The following GAS7 variants were observed in gnomAD, a reference collection of about 807,000 sequenced individuals.
The protein encoded by GAS7 is growth arrest-specific protein 7.
Under a neutral mutation model 71.1 loss-of-function variants are expected in GAS7, and 28 were observed. That is an observed-to-expected ratio of 0.39 (90% CI 0.29 to 0.54). The LOEUF is 0.54. GAS7 is among the 20% of genes least tolerant of loss of function. The probability of loss-of-function intolerance (pLI) is 0.62; values close to 1 mark genes in which losing one functional copy is unlikely to be tolerated. For synonymous variants in GAS7, 258 were observed against 245.8 expected (o/e 1.05, Z -0.46); for missense variants, 436 against 627.8 (o/e 0.69, Z 3.27).
intron 3 of GAS7, among the ~76,000 whole-genome samples, chr17:9,979,194 C>T (rs1360941923): frequency 6.6e-6 from 1 of 152,226 alleles, no homozygotes; most frequent in Non-Finnish European, 1.5e-5. Flanking sequence ...CTTCAGAATG[C>T]TAATGTGCCT....
chr17:9,945,489 C>T (rs1001487427), intron 6 of GAS7, among the ~76,000 whole-genome samples: 1 of 152,088 alleles, frequency 6.6e-6, no homozygotes, highest in African/African-American at 2.4e-5. Context: ...AGATAAGCCC[C>T]TTTATACTGT....
chr17:10,012,748 G>A (rs376987094), intron 2 of GAS7, among the ~76,000 whole-genome samples: 3 of 152,108 alleles, frequency 2.0e-5, no homozygotes, highest in Non-Finnish European at 1.5e-5. Context: ...ATGAAGCGGC[G>A]GCACTTTTAG....
At chr17:10,079,556 G>C (rs1485709066) in intron 1 of GAS7, among the ~76,000 whole-genome samples, 1 of 152,178 alleles carries the variant, frequency 6.6e-6, no homozygotes, top group Non-Finnish European at 1.5e-5. Context: ...CTATTGATAA[G>C]TCTTTCAATC....
At chr17:10,018,891 T>C (rs936501180) in intron 2 of GAS7, among the ~76,000 whole-genome samples, 1 of 152,202 alleles carries the variant, frequency 6.6e-6, no homozygotes, top group African/African-American at 2.4e-5. Context: ...AACGCATGTC[T>C]GTGATTCCCA....
Position 9,969,703 on chromosome 17 carries a change from C to T in GAS7, c.445G>A (p.Val149Ile). 3 of 1,611,502 alleles carry T rather than the reference C, an allele frequency of 1.9e-6. No homozygotes were observed. Among genetic ancestry groups the T allele is most frequent in the Non-Finnish European group, 2.5e-6 (3 of 1,177,598 alleles). Residue 149 changes from valine (V) to isoleucine (I), a missense_variant, in exon 4 of 14, where the codon GTC (valine) becomes ATC (isoleucine). Physicochemically the swap from Val to Ile is conservative, Grantham distance 29 (BLOSUM62 3). Transcript: ENST00000432992. This position sits in a 1 kb window ranked among gnomAD's most constrained non-coding sequence, Gnocchi z 5.5. The part of the protein sequence containing the change: ...AHPPETAHMS[V>I]RKSTGDSQNL... The stretch of plus-strand genomic sequence containing the variant: ...TGGGAATCACCGGTGGATTTTCGGA[C>T]ACTCATGTGGGCAGTCTCTGGAGGG...
chr17:9,943,542 C>A (rs1343167582), intron 6 of GAS7, among the ~76,000 whole-genome samples: 2 of 152,220 alleles, frequency 1.3e-5, no homozygotes, highest in Non-Finnish European at 2.9e-5. Flanking sequence ...TGATGCCTAA[C>A]GGCCTACGAC....
intron 3 of GAS7, among the ~76,000 whole-genome samples, chr17:9,975,994 C>G (rs942169210): frequency 3.3e-5 from 5 of 152,230 alleles, no homozygotes; most frequent in Non-Finnish European, 7.3e-5. Flanking sequence ...TCCTGGAAGG[C>G]CTCGCAGGTT....
At chr17:9,925,659 G>C in intron 10 of GAS7, 60 bp from the exon 11 acceptor site, 2 of 1,592,408 alleles carry the variant, frequency 1.3e-6, no homozygotes, top group South Asian at 2.2e-5. Context: ...GGCCTCCTGG[G>C]CCACGCAGCC....
intron 6 of GAS7, 89 bp from the exon 7 acceptor site, chr17:9,943,325 G>T: frequency 1.3e-6 from 1 of 779,052 alleles, no homozygotes; most frequent in Non-Finnish European, 2.3e-6. Flanking sequence ...GCTCCTAGAT[G>T]TGCCTGGCAA....
chr17:10,100,484 G>A (rs17759759), intron 1 of GAS7, among the ~76,000 whole-genome samples: 26,904 of 152,050 alleles, frequency 0.18, 3,254 homozygotes, highest in Non-Finnish European at 0.27. Flanking sequence ...GAGCTAGACC[G>A]GATCTCTCAA....
At chr17:10,129,459 CG>C (rs1169873685) in intron 1 of GAS7, among the ~76,000 whole-genome samples, 1 of 151,998 alleles carries the variant, frequency 6.6e-6, no homozygotes, top group African/African-American at 2.4e-5. Context: ...TGTTTGAGAC[CG>C]GAAGGTCAAG....
Position 9,916,727 on chromosome 17 carries a change from AAAG to A in GAS7, c.*498_*500del, listed in dbSNP as rs1462267573. 6 of 387,764 alleles carry A rather than the reference AAAG, an allele frequency of 1.5e-5. No individual in the cohort carries two copies. The highest frequency in any genetic ancestry group is 2.7e-5 in the Non-Finnish European group (6 of 219,570). 24.0% of individuals were successfully genotyped at this position (387,764 alleles called of 1,614,324 possible). A position where few individuals can be genotyped will look rare whatever the true frequency, so the allele number is the denominator to read the frequency against. The stretch of plus-strand genomic sequence containing the variant: ...TCCCAGAATGCAATGGGAAAAAAAT[AAAG>A]AAGGAGGGCTGCAAAGGATTCTGGG... On this transcript the variant is annotated 3_prime_UTR_variant, in exon 14 of 14. Transcript: ENST00000432992.
intron 2 of GAS7, among the ~76,000 whole-genome samples, chr17:10,006,147 T>C (rs1404163892): frequency 2.0e-5 from 3 of 151,860 alleles, no homozygotes; most frequent in Admixed American, 6.6e-5. Flanking sequence ...AAGATCTCCA[T>C]AGAAGAGAAA....
chr17:10,102,306 T>C (rs530265034), intron 1 of GAS7, among the ~76,000 whole-genome samples: 6 of 151,272 alleles, frequency 4.0e-5, no homozygotes, highest in African/African-American at 1.5e-4. Flanking sequence ...CCCTGAATTA[T>C]GCTACACCAA....
chr17:10,149,867 T>C (rs2074150316), intron 1 of GAS7, among the ~76,000 whole-genome samples: 2 of 152,230 alleles, frequency 1.3e-5, no homozygotes, highest in South Asian at 2.1e-4. Flanking sequence ...CATGTAACAT[T>C]ATTCTGTTTC....
At chr17:10,187,049 T>C (rs2074460093) in intron 1 of GAS7, among the ~76,000 whole-genome samples, 1 of 152,260 alleles carries the variant, frequency 6.6e-6, no homozygotes, top group African/African-American at 2.4e-5. Context: ...TCTACATAGA[T>C]ACAGCTTGCT....
At chr17:10,149,065 G>A (rs1386010445) in intron 1 of GAS7, among the ~76,000 whole-genome samples, 1 of 152,060 alleles carries the variant, frequency 6.6e-6, no homozygotes, top group Non-Finnish European at 1.5e-5. Context: ...AATAGAAGAG[G>A]ATCCATTTTT....
At position 9,955,607 on chromosome 17, in the gene GAS7, C is replaced by T. The variant is rs374283775; in HGVS notation, c.525+3595G>A. Among the ~76,000 whole-genome samples, 8 of 152,218 alleles carry T rather than the reference C, an allele frequency of 5.3e-5. No homozygotes were observed. The South Asian group carries it at 6.2e-4, about 12-fold the overall frequency. ...TAGGTGGACCCAGGCTCTGAACCCA[C>T]GCAAGCCGGCTTCAGTCTAGGCTCT... On this transcript the variant is annotated intron_variant, in intron 5 of 13. Coordinates refer to ENST00000432992, the MANE Select transcript of GAS7 (RefSeq NM_201433.2).
chr17:10,187,911 G>C (rs1012581302), intron 1 of GAS7, among the ~76,000 whole-genome samples: 1 of 152,168 alleles, frequency 6.6e-6, no homozygotes, highest in African/African-American at 2.4e-5. Flanking sequence ...TCACTGTGAG[G>C]AGAAATGTGA....
Sources: gnomAD v4.1 joint callset for allele counts (sites outside exome capture counted in the v4.1 genomes callset) on GRCh38, gnomAD v4.1.1 for gene constraint, Gnocchi (gnomAD v3.1) non-coding constraint, MANE v1.5 for transcripts, NCBI Gene and HGNC (gene_info 2026-07-23, HGNC 2026-07-21) for gene names.